Variants in SETD3 observed in about 807,000 individuals in gnomAD.
SETD3 encodes SET domain containing 3, actin N3(tau)-histidine methyltransferase.
Under a neutral mutation model 63.0 loss-of-function variants are expected in SETD3, and 19 were observed. The observed-to-expected ratio is 0.30, with a 90% CI of 0.21 to 0.44. The LOEUF (loss-of-function observed/expected upper bound fraction) is 0.44. Among genes scored for constraint, SETD3 ranks in the 20% least tolerant of loss-of-function variants. The pLI, the probability that SETD3 is intolerant of heterozygous loss-of-function variation, is 1.00. For missense variants in SETD3, 587 were observed against 728.5 expected, an observed-to-expected ratio of 0.81 and a Z score of 2.24; for synonymous variants, 286 against 264.1, an observed-to-expected ratio of 1.08 and a Z score of -0.80.
intron 8 of SETD3, among the ~76,000 whole-genome samples, chr14:99,408,044 AT>A (rs765185187): frequency 2.6e-5 from 4 of 152,126 alleles, no homozygotes; most frequent in Non-Finnish European, 4.4e-5. Flanking sequence ...TGACCTACTC[AT>A]TTTATCCTGG....
chr14:99,413,515 C>T (rs1031926050), intron 7 of SETD3, among the ~76,000 whole-genome samples: 10 of 152,188 alleles, frequency 6.6e-5, no homozygotes, highest in African/African-American at 2.2e-4. Context: ...TTTTATTACA[C>T]TGTGCAGTGA....
At chr14:99,429,973 A>C (rs1893082965) in intron 6 of SETD3, among the ~76,000 whole-genome samples, 1 of 152,238 alleles carries the variant, frequency 6.6e-6, no homozygotes, top group African/African-American at 2.4e-5. Context: ...AGTGGGTCCA[A>C]AGACAAGCAG....
At chr14:99,440,618 A>C (rs1260793599) in intron 6 of SETD3, among the ~76,000 whole-genome samples, 1 of 151,962 alleles carries the variant, frequency 6.6e-6, no homozygotes, top group Non-Finnish European at 1.5e-5. Context: ...TGGCAATGGG[A>C]GCTTGTGCGT....
chr14:99,447,201 G>GACCTCAGGTGATCTGCCC (rs1894186108), intron 6 of SETD3, among the ~76,000 whole-genome samples: 1 of 152,080 alleles, frequency 6.6e-6, no homozygotes, highest in African/African-American at 2.4e-5. Flanking sequence ...TTAAACTCCC[G>GACCTCAGGTGATCTGCCC]ACCTCAGGTG....
chr14:99,443,694 G>A (rs1316439485), intron 6 of SETD3, among the ~76,000 whole-genome samples: 1 of 152,194 alleles, frequency 6.6e-6, no homozygotes, highest in East Asian at 1.9e-4. Context: ...CAGAGGTTAT[G>A]AATGCTTCAC....
intron 12 of SETD3, 84 bp from the exon 13 acceptor site, chr14:99,399,209 G>C: frequency 8.0e-7 from 1 of 1,242,428 alleles, no homozygotes; most frequent in Non-Finnish European, 1.1e-6. Flanking sequence ...TGGGGATGGG[G>C]ACATGAGGGA....
At chr14:99,437,108 A>C (rs2139706811) in intron 6 of SETD3, among the ~76,000 whole-genome samples, 1 of 152,340 alleles carries the variant, frequency 6.6e-6, no homozygotes, top group East Asian at 1.9e-4. Context: ...CAGGCCAGCA[A>C]ATAGGCCTCA....
At chr14:99,403,451 A>ACTCTCTCTCTCTCTCTCT (rs1316443573) in intron 11 of SETD3, among the ~76,000 whole-genome samples, 25 of 107,124 alleles carry the variant, frequency 2.3e-4, no homozygotes, top group Non-Finnish European at 3.5e-4. Context: ...ACACACACAC[A>ACTCTCTCTCTCTCTCTCT]CACACTCTCT....
chr14:99,406,667 G>A lies in SETD3; in HGVS notation c.850-77C>T, dbSNP rs138871696. ...TCACTTAATCTACAAGCTTGTTTCTGGCAATCAGAGGAAAAAGGGGATCCC... is the reference window on the plus strand; with the variant it reads ...TCACTTAATCTACAAGCTTGTTTCTAGCAATCAGAGGAAAAAGGGGATCCC... On this transcript the variant is annotated intron_variant, in intron 8 of 12. Coordinates refer to ENST00000331768, the MANE Select transcript of SETD3 (RefSeq NM_032233.3). 2.4e-5 allele frequency: 34 copies of A among 1,418,724 alleles called. No individual in the cohort carries two copies. The Admixed American group carries it at 5.8e-4, about 24-fold the overall frequency. The allele number at this position is 1,418,724 out of a possible 1,614,324, so 87.9% of individuals were successfully genotyped here.
rs1370550977 is a variant in SETD3, at chr14:99,434,708, G to A, written c.676-20774C>T. 7.2e-5 allele frequency among the ~76,000 whole-genome samples: 11 copies of A among 151,932 alleles called. 1 individual carries two copies. Among genetic ancestry groups the A allele is most frequent in the Admixed American group, 5.2e-4 (8 of 15,276 alleles). Reference sequence around the variant, plus strand: ...ACTAAAAATACAAAATTAGCTGGGCGTGGTGGCGCAAGCCTGTAATCCCAG... The same window carrying A: ...ACTAAAAATACAAAATTAGCTGGGCATGGTGGCGCAAGCCTGTAATCCCAG... On this transcript the variant is annotated intron_variant, in intron 6 of 12. Transcript: ENST00000331768.
intron 1 of SETD3, among the ~76,000 whole-genome samples, chr14:99,474,848 A>T (rs1895888855): frequency 6.6e-6 from 1 of 150,700 alleles, no homozygotes; most frequent in South Asian, 2.1e-4. Flanking sequence ...ATAAATAAAT[A>T]AATAAGCACA....
intron 6 of SETD3, among the ~76,000 whole-genome samples, chr14:99,414,278 C>T (rs773287170): frequency 2.0e-5 from 3 of 152,248 alleles, no homozygotes; most frequent in Non-Finnish European, 4.4e-5. Flanking sequence ...AACGCAGAGC[C>T]GCCCAAGCCA....
At chr14:99,455,966 C>T (rs1595242932) in intron 6 of SETD3, among the ~76,000 whole-genome samples, 2 of 152,340 alleles carry the variant, frequency 1.3e-5, no homozygotes, top group South Asian at 4.1e-4. Flanking sequence ...ACCAGCCTCG[C>T]CAACGTGGCG....
At chr14:99,449,715 C>A (rs1275082660) in intron 6 of SETD3, among the ~76,000 whole-genome samples, 1 of 152,208 alleles carries the variant, frequency 6.6e-6, no homozygotes, top group Non-Finnish European at 1.5e-5. Context: ...GAAATTCAAA[C>A]AAGGTCTGCA....
rs1891240906 is a variant in SETD3, at chr14:99,399,129, G to A, written c.1339-4C>T. 3 of 1,610,976 alleles carry A rather than the reference G, an allele frequency of 1.9e-6. No individual in the cohort carries two copies. Among genetic ancestry groups the A allele is most frequent in the African/African-American group, 1.3e-5 (1 of 74,648 alleles). The stretch of plus-strand genomic sequence containing the variant: ...TTTTCAAGACGGATTTATCTTCCTG[G>A]AAAACAAGAGCAAAATTAATTACAA... On this transcript the variant is annotated splice_region_variant and splice_polypyrimidine_tract_variant and intron_variant, in intron 12 of 12. Coordinates refer to ENST00000331768, the MANE Select transcript of SETD3 (RefSeq NM_032233.3).
At chr14:99,466,703 G>A (rs1187772730) in intron 1 of SETD3, among the ~76,000 whole-genome samples, 2 of 152,100 alleles carry the variant, frequency 1.3e-5, no homozygotes, top group African/African-American at 4.8e-5. Flanking sequence ...GGCTGGAGAG[G>A]GGGTCTCTAG....
At chr14:99,420,878 C>T (rs1329546658) in intron 6 of SETD3, among the ~76,000 whole-genome samples, 2 of 133,058 alleles carry the variant, frequency 1.5e-5, no homozygotes, top group Non-Finnish European at 3.1e-5. Flanking sequence ...GGGAACCTGC[C>T]AGGTCATCCA....
At chr14:99,470,219 TG>T (rs1895624236) in intron 1 of SETD3, among the ~76,000 whole-genome samples, 1 of 152,076 alleles carries the variant, frequency 6.6e-6, no homozygotes, top group Non-Finnish European at 1.5e-5. Flanking sequence ...TACCGAAATG[TG>T]CCCTGTGGCA....
At chr14:99,420,157 T>C (rs573335366) in intron 6 of SETD3, among the ~76,000 whole-genome samples, 1 of 152,264 alleles carries the variant, frequency 6.6e-6, no homozygotes, top group African/African-American at 2.4e-5. Flanking sequence ...CCTCCTGCCC[T>C]GTTCCTGCCT....
Sources: gnomAD v4.1 joint callset for allele counts (sites outside exome capture counted in the v4.1 genomes callset) on GRCh38, gnomAD v4.1.1 for gene constraint, MANE v1.5 for transcripts, NCBI Gene and HGNC (gene_info 2026-07-23, HGNC 2026-07-21) for gene names.